ULK4: variants seen among roughly 807,000 people sequenced by gnomAD.
The protein encoded by ULK4 is unc-51 like kinase 4.
In ULK4, 133 loss-of-function variants were observed where a neutral mutation model predicts 160.6. The ratio of observed to expected loss-of-function variants is 0.83; its 90% CI spans 0.72 to 0.96. The LOEUF (loss-of-function observed/expected upper bound fraction) is 0.96, where lower values mean the gene tolerates loss of function less well. ULK4 is among the 40% of genes least tolerant of loss of function. The pLI is 0.00. For synonymous variants in ULK4, 534 were observed against 539.8 expected (o/e 0.99, Z 0.15); for missense variants, 1,580 against 1,499.5 (o/e 1.05, Z -0.89).
At chr3:41,625,892 A>C (rs573518186) in intron 30 of ULK4, among the ~76,000 whole-genome samples, 1 of 152,366 alleles carries the variant, frequency 6.6e-6, no homozygotes, top group African/African-American at 2.4e-5. Flanking sequence ...GATTCTCAAC[A>C]TATTAACTAT....
chr3:41,348,783 G>A (rs1054095013), intron 35 of ULK4, among the ~76,000 whole-genome samples: 2 of 152,098 alleles, frequency 1.3e-5, no homozygotes, highest in African/African-American at 4.8e-5. Context: ...ATTTACAGAC[G>A]TATCAGATTT....
At chr3:41,434,380 G>A (rs921344365) in intron 34 of ULK4, among the ~76,000 whole-genome samples, 1 of 152,090 alleles carries the variant, frequency 6.6e-6, no homozygotes, top group Non-Finnish European at 1.5e-5. Context: ...GCAAGTTGCA[G>A]ATATGCATAT....
At chr3:41,801,454 G>T (rs981071955) in intron 19 of ULK4, among the ~76,000 whole-genome samples, 4 of 151,572 alleles carry the variant, frequency 2.6e-5, no homozygotes. Context: ...GGTAATTCCA[G>T]GTCTCAGAAG....
chr3:41,833,485 A>G (rs1317500367), intron 18 of ULK4, among the ~76,000 whole-genome samples: 1 of 151,570 alleles, frequency 6.6e-6, no homozygotes, highest in Non-Finnish European at 1.5e-5. Flanking sequence ...TTTAGTAGAG[A>G]CGGGGTTTCA....
chr3:41,711,715 A>G (rs1348947051), intron 25 of ULK4, among the ~76,000 whole-genome samples: 2 of 152,236 alleles, frequency 1.3e-5, no homozygotes, highest in African/African-American at 4.8e-5. Context: ...ACTTAAACAC[A>G]ACAAAGTCTG....
At position 41,374,457 on chromosome 3, in the gene ULK4, T is replaced by C. The variant is rs1259697207; in HGVS notation, c.3678+23622A>G. Among the ~76,000 whole-genome samples, 4 of 152,132 alleles carry C rather than the reference T, an allele frequency of 2.6e-5. No individual in the cohort carries two copies. The East Asian group carries it at 7.7e-4, about 29-fold the overall frequency. ...ATTCACCATGATCAAGTTGGCTTAA[T>C]CTCTGGGATGCAAGGCTGGTTCAAC... is the stretch of plus-strand genomic sequence containing the variant. On this transcript the variant is annotated intron_variant, in intron 35 of 36. Coordinates refer to ENST00000301831, the MANE Select transcript of ULK4 (RefSeq NM_017886.4).
At chr3:41,311,893 T>TCC (rs946160718) in intron 35 of ULK4, among the ~76,000 whole-genome samples, 18 of 151,606 alleles carry the variant, frequency 1.2e-4, no homozygotes, top group Middle Eastern at 3.4e-3. Flanking sequence ...TATATATATA[T>TCC]ATCCTATTAG....
chr3:41,600,764 G>C (rs562207069), intron 31 of ULK4, among the ~76,000 whole-genome samples: 1 of 152,306 alleles, frequency 6.6e-6, no homozygotes, highest in African/African-American at 2.4e-5. Context: ...CCAAAGCCAA[G>C]TCCTGTGCTC....
chr3:41,922,274 G>A (rs760366717), intron 5 of ULK4, among the ~76,000 whole-genome samples: 1 of 152,176 alleles, frequency 6.6e-6, no homozygotes, highest in Non-Finnish European at 1.5e-5. Flanking sequence ...GATCACTTGA[G>A]GCCTGGAGTT....
chr3:41,812,839 A>G (rs534729919), intron 19 of ULK4, among the ~76,000 whole-genome samples: 3 of 152,210 alleles, frequency 2.0e-5, no homozygotes, highest in Non-Finnish European at 2.9e-5. Context: ...TTTAAATAAT[A>G]TATCTTTCAT....
intron 32 of ULK4, among the ~76,000 whole-genome samples, chr3:41,548,113 C>G (rs1056265356): frequency 3.3e-5 from 5 of 152,270 alleles, no homozygotes; most frequent in Non-Finnish European, 1.5e-5. Flanking sequence ...CTGCTGCCAC[C>G]TGAGCACACC....
At position 41,363,892 on chromosome 3, in the gene ULK4, G is replaced by A. The variant is rs188977732; in HGVS notation, c.3678+34187C>T. Reference sequence around the variant, plus strand: ...TGTTAAGGGATGTGTCCAAGGAAGGGACAGAGTGAAGATTTGAACCCTCCA... The same window carrying A: ...TGTTAAGGGATGTGTCCAAGGAAGGAACAGAGTGAAGATTTGAACCCTCCA... On this transcript the variant is annotated intron_variant, in intron 35 of 36. Coordinates refer to ENST00000301831, the MANE Select transcript of ULK4 (RefSeq NM_017886.4). Among the ~76,000 whole-genome samples the A allele has an allele frequency of 1.1e-3, 168 of 151,908 alleles. 2 individuals carry two copies. The highest frequency in any genetic ancestry group is 3.7e-3 in the African/African-American group (154 of 41,412).
At chr3:41,507,191 A>C (rs2085425082) in intron 32 of ULK4, among the ~76,000 whole-genome samples, 3 of 150,892 alleles carry the variant, frequency 2.0e-5, no homozygotes, top group Non-Finnish European at 3.0e-5. Context: ...AAAAAAAAAA[A>C]AAAAAAAAAG....
chr3:41,329,411 C>T (rs2080401143), intron 35 of ULK4, among the ~76,000 whole-genome samples: 1 of 152,076 alleles, frequency 6.6e-6, no homozygotes, highest in African/African-American at 2.4e-5. Context: ...TAATTCTAGA[C>T]AAAAAATGCA....
intron 22 of ULK4, among the ~76,000 whole-genome samples, chr3:41,721,654 C>T (rs1277992277): frequency 1.3e-5 from 2 of 151,878 alleles, no homozygotes; most frequent in Non-Finnish European, 2.9e-5. Context: ...GCGTGAGCCA[C>T]CATGCCTGGC....
intron 35 of ULK4, among the ~76,000 whole-genome samples, chr3:41,306,172 G>A (rs1228127783): frequency 0.025 from 2,348 of 95,280 alleles, 378 homozygotes; most frequent in African/African-American, 0.12. Context: ...CGCCCCATCC[G>A]GGAGGGAGGT....
chr3:41,318,964 T>A (rs1475368805), intron 35 of ULK4, among the ~76,000 whole-genome samples: 1 of 152,194 alleles, frequency 6.6e-6, no homozygotes, highest in African/African-American at 2.4e-5. Context: ...TATGGAAGAA[T>A]CAGTAACACT....
intron 22 of ULK4, among the ~76,000 whole-genome samples, chr3:41,721,366 T>A (rs868257643): frequency 3.8e-3 from 286 of 74,378 alleles, no homozygotes; most frequent in Middle Eastern, 8.6e-3. Flanking sequence ...ATATATATTT[T>A]TTTTTTTTTT....
intron 27 of ULK4, among the ~76,000 whole-genome samples, chr3:41,699,166 C>T (rs1225695139): frequency 1.3e-5 from 2 of 152,082 alleles, no homozygotes; most frequent in Non-Finnish European, 2.9e-5. Context: ...GTAGCTACTG[C>T]CCAATAGTTT....
Sources: gnomAD v4.1 joint callset for allele counts (sites outside exome capture counted in the v4.1 genomes callset) on GRCh38, gnomAD v4.1.1 for gene constraint, MANE v1.5 for transcripts, NCBI Gene and HGNC (gene_info 2026-07-23, HGNC 2026-07-21) for gene names.